The following NUSAP1 variants were observed in gnomAD, a reference collection of about 807,000 sequenced individuals.
NUSAP1 encodes the protein nucleolar and spindle associated protein 1, also known as nucleolar and spindle-associated protein 1.
A neutral mutation model predicts 52.8 loss-of-function variants in NUSAP1; 32 were observed. The observed-to-expected ratio is 0.61, with a 90% CI of 0.46 to 0.81. The LOEUF (loss-of-function observed/expected upper bound fraction) is 0.81, where lower values mean the gene tolerates loss of function less well. Among genes scored for constraint, NUSAP1 ranks in the 40% least tolerant of loss-of-function variants. The probability of loss-of-function intolerance (pLI) is 0.00; values close to 1 mark genes in which losing one functional copy is unlikely to be tolerated. For missense variants in NUSAP1, 499 were observed against 522.3 expected, an observed-to-expected ratio of 0.96 and a Z score of 0.43; for synonymous variants, 195 against 183.1, an observed-to-expected ratio of 1.06 and a Z score of -0.52.
chr15:41,373,942 C>T (rs1008317361), intron 8 of NUSAP1, among the ~76,000 whole-genome samples: 3 of 152,088 alleles, frequency 2.0e-5, no homozygotes, highest in African/African-American at 4.8e-5. Flanking sequence ...AGGATCCCAG[C>T]ACTTTGGGAG....
At chr15:41,370,789 G>C (rs2049647518) in intron 7 of NUSAP1, among the ~76,000 whole-genome samples, 2 of 151,364 alleles carry the variant, frequency 1.3e-5, no homozygotes, top group African/African-American at 2.4e-5. Flanking sequence ...AGGCGCAGTG[G>C]CACATACCCA....
At chr15:41,333,106 G>A in intron 1 of NUSAP1, 56 bp downstream of exon 1, 2 of 1,365,754 alleles carry the variant, frequency 1.5e-6, no homozygotes, top group African/African-American at 1.4e-5. Context: ...AGCGGCCTCG[G>A]GGAGATGCGG....
intron 8 of NUSAP1, 27 bp downstream of exon 8, chr15:41,371,711 T>G (rs1338529326): frequency 3.8e-6 from 6 of 1,561,430 alleles, no homozygotes; most frequent in Non-Finnish European, 4.3e-6. Context: ...ACAAAAGAAA[T>G]CTGTTTCATT....
chr15:41,337,788 T>TC (rs2048213382), intron 1 of NUSAP1, among the ~76,000 whole-genome samples: 3 of 152,206 alleles, frequency 2.0e-5, no homozygotes, highest in African/African-American at 7.2e-5. Flanking sequence ...AGCACTTCTT[T>TC]CTAGTCTCCT....
intron 7 of NUSAP1, among the ~76,000 whole-genome samples, chr15:41,367,890 C>G (rs919913676): frequency 3.9e-5 from 6 of 152,106 alleles, no homozygotes; most frequent in African/African-American, 1.2e-4. Context: ...CATCTCCACT[C>G]CCCTGATGCA....
chr15:41,372,502 G>A (rs2049742455), intron 8 of NUSAP1, among the ~76,000 whole-genome samples: 1 of 150,542 alleles, frequency 6.6e-6, no homozygotes, highest in Admixed American at 6.9e-5. Context: ...TCTTAAACAT[G>A]TCTCCTGTAC....
chr15:41,346,597 G>T (rs1326624494), intron 2 of NUSAP1, among the ~76,000 whole-genome samples: 1 of 151,906 alleles, frequency 6.6e-6, no homozygotes, highest in Non-Finnish European at 1.5e-5. Context: ...GGGAGGCCGA[G>T]GTGGGTGGAT....
chr15:41,347,261 A>G (rs1179236056), intron 2 of NUSAP1, among the ~76,000 whole-genome samples: 1 of 152,234 alleles, frequency 6.6e-6, no homozygotes, highest in African/African-American at 2.4e-5. Flanking sequence ...ATAATAGTGA[A>G]ATTGACTGAC....
intron 2 of NUSAP1, among the ~76,000 whole-genome samples, chr15:41,345,278 A>G (rs1202377520): frequency 1.3e-5 from 2 of 150,756 alleles, no homozygotes; most frequent in African/African-American, 4.9e-5. Context: ...GGGATTACAG[A>G]CGCTCTGCCA....
Position 41,377,273 on chromosome 15 carries a change from A to G in NUSAP1, c.1201A>G (p.Lys401Glu). ...TGTCAACAGAATTAACTTCTACAAG[A>G]AAACTTACAAACAACCCCATCTCCA... is the stretch of plus-strand genomic sequence containing the variant. ...QHVNRINFYK[K>E]TYKQPHLQTK... The change falls in exon 10 of 11, where the codon AAA becomes GAA. Residue 401 changes from lysine (K) to glutamate (E), a missense_variant. By Grantham distance (56) the Lys-to-Glu change is moderately conservative. Coordinates refer to ENST00000559596, the MANE Select transcript of NUSAP1 (RefSeq NM_016359.5). 1 of 1,524,342 alleles carries G rather than the reference A, an allele frequency of 6.6e-7. No homozygotes were observed. Among genetic ancestry groups the G allele is most frequent in the Non-Finnish European group, 8.9e-7 (1 of 1,127,200 alleles). 94.4% of individuals were successfully genotyped at this position (1,524,342 alleles called of 1,614,324 possible).
intron 2 of NUSAP1, among the ~76,000 whole-genome samples, chr15:41,348,327 C>G (rs1405659777): frequency 6.6e-6 from 1 of 152,278 alleles, no homozygotes; most frequent in East Asian, 1.9e-4. Flanking sequence ...GATCCACCAG[C>G]CTTGGCCTCC....
chr15:41,370,336 C>T (rs913067609), intron 7 of NUSAP1, among the ~76,000 whole-genome samples: 2 of 152,182 alleles, frequency 1.3e-5, no homozygotes, highest in South Asian at 2.1e-4. Context: ...TAGCTGAGAT[C>T]GCACCACTGC....
intron 2 of NUSAP1, 122 bp from the exon 3 acceptor site, chr15:41,348,976 G>C (rs1206981117): frequency 7.4e-6 from 7 of 948,706 alleles, no homozygotes; most frequent in Non-Finnish European, 1.1e-5. Context: ...TTTACCGCTA[G>C]AGAGTTTTAA....
intron 1 of NUSAP1, among the ~76,000 whole-genome samples, chr15:41,341,210 C>G (rs1346454874): frequency 6.6e-6 from 1 of 152,134 alleles, no homozygotes; most frequent in Non-Finnish European, 1.5e-5. Context: ...GGACTACAGG[C>G]ACACACCACC....
Position 41,356,135 on chromosome 15 carries a change from C to A in NUSAP1, c.545C>A (p.Thr182Asn). The part of the protein sequence containing the change: ...PGKNKRTAIT[T>N]PNFKKLHEAH... ...AAAAATAAAAGAACTGCAATCACTA[C>A]TCCAAGTAAGTTTTGTAGACAAAGC... Residue 182 changes from threonine to asparagine, a missense_variant, in exon 5 of 11, where the codon ACT becomes AAT. Transcript: ENST00000559596. The A allele has an allele frequency of 6.3e-7, 1 of 1,582,502 alleles. No homozygotes were observed.
intron 9 of NUSAP1, 119 bp downstream of exon 9, chr15:41,375,947 TC>T: frequency 1.5e-6 from 1 of 645,928 alleles, no homozygotes; most frequent in South Asian, 1.8e-5. Context: ...GCACCTGTAA[TC>T]CCAGATACTT....
intron 6 of NUSAP1, among the ~76,000 whole-genome samples, chr15:41,360,456 A>T (rs914900535): frequency 1.3e-5 from 2 of 152,162 alleles, no homozygotes; most frequent in Non-Finnish European, 1.5e-5. Flanking sequence ...AGCTGGGATT[A>T]TAGGTGCCTG....
intron 2 of NUSAP1, among the ~76,000 whole-genome samples, chr15:41,346,643 A>G (rs546478711): frequency 5.1e-4 from 78 of 151,780 alleles, no homozygotes; most frequent in African/African-American, 1.7e-3. Flanking sequence ...CCTGGCCAAA[A>G]TGGTGAAACC....
In NUSAP1 at chr15:41,380,755, G is replaced by T. The variant is rs2050176165; in HGVS notation, c.*569G>T. ...AAATATCCTCATGTAATTGCCATCT[G>T]TCACTCACTATATTCACAAAAATAA... On this transcript the variant is annotated 3_prime_UTR_variant, in exon 11 of 11. Coordinates refer to ENST00000559596, the MANE Select transcript of NUSAP1 (RefSeq NM_016359.5). The T allele has an allele frequency of 6.6e-6, 1 of 152,256 alleles. No homozygotes were observed. The highest frequency in any genetic ancestry group is 6.6e-5 in the Admixed American group (1 of 15,252). The allele number at this position is 152,256 out of a possible 1,614,324, so 9.4% of individuals were successfully genotyped here. A position where few individuals can be genotyped will look rare whatever the true frequency, so the allele number is the denominator to read the frequency against.
Sources: allele counts gnomAD v4.1 joint callset (sites outside exome capture counted in the v4.1 genomes callset), GRCh38; gene constraint gnomAD v4.1.1; transcripts MANE v1.5; gene names NCBI Gene and HGNC (gene_info 2026-07-23, HGNC 2026-07-21).